Variants in LINC00632 observed in about 807,000 individuals in gnomAD.
LINC00632 encodes the protein long independently transcribed non-coding RNA 632.
exon 5 of LINC00632, among the ~76,000 whole-genome samples, chrX:140,788,951 ATT>A (rs1932066964): frequency 2.9e-5 from 3 of 104,183 alleles, no homozygotes; most frequent in Non-Finnish European, 5.9e-5. Context: ...GGGTGGGCTT[ATT>A]TTTTGTTATA....
At chrX:140,753,770 T>G (rs1192778022) in intron 3 of LINC00632, among the ~76,000 whole-genome samples, 1 of 73,416 alleles carries the variant, frequency 1.4e-5, no homozygotes, top group East Asian at 4.1e-4. Context: ...CTTTCTTTCT[T>G]TTTTTTTTTT....
exon 5 of LINC00632, chrX:140,783,589 A>G: frequency 8.3e-7 from 1 of 1,199,700 alleles, no homozygotes; most frequent in Non-Finnish European, 1.1e-6. Context: ...TAGATCTTCC[A>G]GTCAATCAGT....
At chrX:140,784,308 G>C in exon 5 of LINC00632, 1 of 1,189,773 alleles carries the variant, frequency 8.4e-7, no homozygotes, top group Non-Finnish European at 1.1e-6. Context: ...TTCCAACAAA[G>C]GTATGTCTTC....
chrX:140,745,696 G>A (rs754425737), intron 3 of LINC00632, among the ~76,000 whole-genome samples: 1 of 111,953 alleles, frequency 8.9e-6, no homozygotes, highest in Admixed American at 9.5e-5. Flanking sequence ...ACTGAATGTA[G>A]GTCCTGGTGA....
chrX:140,733,142 T>C (rs1239169143), intron 2 of LINC00632, among the ~76,000 whole-genome samples: 1 of 112,510 alleles, frequency 8.9e-6, no homozygotes, highest in African/African-American at 3.2e-5. Context: ...CTAAATACAC[T>C]GTGTAAAAGT....
chrX:140,749,658 G>A lies in LINC00632; in HGVS notation n.191+15694G>A, dbSNP rs1931381009. On this transcript the variant is annotated intron_variant and non_coding_transcript_variant, in intron 3 of 4. Transcript: ENST00000648200. Reference sequence around the variant, plus strand: ...GGTAACTACTTGACAAGTATTTTAAGTTTTGCAGTTTTAATTTAGTTTAGT... The same window carrying A: ...GGTAACTACTTGACAAGTATTTTAAATTTTGCAGTTTTAATTTAGTTTAGT... 2.7e-5 allele frequency among the ~76,000 whole-genome samples: 3 copies of A among 110,854 alleles called. No homozygotes were observed. In the Admixed American group the frequency reaches 2.9e-4, roughly 11 times the overall value.
exon 4 of LINC00632, among the ~76,000 whole-genome samples, chrX:140,773,227 A>C (rs951287093): frequency 9.0e-6 from 1 of 111,364 alleles, no homozygotes; most frequent in Non-Finnish European, 1.9e-5. Flanking sequence ...AGAAGAGAAG[A>C]GAAGCTGTGG....
chrX:140,714,499 T>A, intron 2 of LINC00632: 1 of 112,162 alleles, frequency 8.9e-6, no homozygotes, highest in Non-Finnish European at 1.9e-5. Flanking sequence ...CAAATTCATG[T>A]CACAAAAGAC....
chrX:140,777,363 G>T (rs763492381), exon 5 of LINC00632, among the ~76,000 whole-genome samples: 1 of 112,355 alleles, frequency 8.9e-6, no homozygotes, highest in Non-Finnish European at 1.9e-5. Context: ...TCTTCAACAC[G>T]CTCAAATGAG....
chrX:140,726,119 A>G (rs1210548790), intron 2 of LINC00632, among the ~76,000 whole-genome samples: 1 of 110,955 alleles, frequency 9.0e-6, no homozygotes, highest in Non-Finnish European at 1.9e-5. Flanking sequence ...CACAAATAAA[A>G]AAAAACCACA....
chrX:140,766,199 C>T (rs1037640490), intron 3 of LINC00632, among the ~76,000 whole-genome samples: 2 of 111,919 alleles, frequency 1.8e-5, no homozygotes, highest in Non-Finnish European at 3.8e-5. Context: ...TTAGCTGTTC[C>T]ACGCTGTAGC....
exon 5 of LINC00632, among the ~76,000 whole-genome samples, chrX:140,788,046 A>G (rs1437660312): frequency 9.1e-6 from 1 of 110,403 alleles, no homozygotes; most frequent in African/African-American, 3.3e-5. Context: ...TACATATAGT[A>G]GGATATCCTT....
At chrX:140,728,267 A>G (rs1930998571) in intron 2 of LINC00632, among the ~76,000 whole-genome samples, 1 of 110,474 alleles carries the variant, frequency 9.1e-6, no homozygotes, top group African/African-American at 3.3e-5. Context: ...AAAGAAAGAA[A>G]AAGACATGTT....
chrX:140,786,118 G>T (rs1932015025), exon 5 of LINC00632, among the ~76,000 whole-genome samples: 1 of 111,801 alleles, frequency 8.9e-6, no homozygotes, highest in Admixed American at 9.5e-5. Context: ...TTACAGTTAG[G>T]CAGGGACTCT....
At chrX:140,716,534 A>C (rs1267483123) in intron 2 of LINC00632, among the ~76,000 whole-genome samples, 1 of 110,356 alleles carries the variant, frequency 9.1e-6, no homozygotes, top group African/African-American at 3.3e-5. Context: ...AAGGCTCACC[A>C]TATAATATAT....
At chrX:140,757,724 G>A (rs914513915) in intron 3 of LINC00632, among the ~76,000 whole-genome samples, 6 of 110,730 alleles carry the variant, frequency 5.4e-5, no homozygotes, top group African/African-American at 1.3e-4. Flanking sequence ...GCACCAGCAC[G>A]TCCAGCTAAT....
At chrX:140,757,505 A>G (rs770286257) in intron 3 of LINC00632, among the ~76,000 whole-genome samples, 1 of 111,569 alleles carries the variant, frequency 9.0e-6, no homozygotes, top group South Asian at 3.8e-4. Context: ...GGGACACCAA[A>G]GAGATAGGAT....
intron 3 of LINC00632, among the ~76,000 whole-genome samples, chrX:140,771,849 T>TG (rs1213653371): frequency 9.4e-6 from 1 of 105,884 alleles, no homozygotes; most frequent in Non-Finnish European, 2.0e-5. Flanking sequence ...CCAGCTAATT[T>TG]TTTTGCATTT....
At chrX:140,773,147 C>T (rs1369837384) in exon 4 of LINC00632, among the ~76,000 whole-genome samples, 1 of 109,020 alleles carries the variant, frequency 9.2e-6, no homozygotes, top group African/African-American at 3.4e-5. Context: ...GCCTGGGTGA[C>T]GAGAGCAAAG....
Sources: gnomAD v4.1 joint callset for allele counts (sites outside exome capture counted in the v4.1 genomes callset) on GRCh38, gnomAD v4.1.1 for gene constraint, MANE v1.5 for transcripts, NCBI Gene and HGNC (gene_info 2026-07-23, HGNC 2026-07-21) for gene names.